The following GSE1 variants were observed in gnomAD, a reference collection of about 807,000 sequenced individuals.
GSE1 encodes the protein Gse1 coiled-coil protein.
GSE1 carries 32 observed loss-of-function variants against 112.6 expected under a neutral mutation model. That is an observed-to-expected ratio of 0.28 (90% CI 0.21 to 0.38). The LOEUF is 0.38. GSE1 is among the 10% of genes least tolerant of loss of function. The pLI, the probability that GSE1 is intolerant of heterozygous loss-of-function variation, is 1.00. For synonymous variants in GSE1, 1,115 were observed against 735.6 expected (o/e 1.52, Z -8.35); for missense variants, 2,348 against 1,699.2 (o/e 1.38, Z -6.71).
intron 2 of GSE1, among the ~76,000 whole-genome samples, chr16:85,371,051 C>G (rs562422462): frequency 1.4e-4 from 21 of 152,310 alleles, no homozygotes; most frequent in Admixed American, 3.9e-4. Flanking sequence ...GAGTTTGCGC[C>G]CCACACTGAG....
intron 2 of GSE1, among the ~76,000 whole-genome samples, chr16:85,514,731 G>T (rs973509935): frequency 1.3e-5 from 2 of 152,126 alleles, no homozygotes; most frequent in Non-Finnish European, 2.9e-5. Flanking sequence ...TCCAGGCCCC[G>T]AGTGCCTGCT....
intron 2 of GSE1, among the ~76,000 whole-genome samples, chr16:85,368,134 G>A (rs910898373): frequency 9.9e-5 from 15 of 152,282 alleles, no homozygotes; most frequent in Admixed American, 2.6e-4. Flanking sequence ...GATTACAGGC[G>A]TGAGCCACCG....
upstream of GSE1, chr16:85,555,897 C>T (rs1208421296): frequency 2.3e-6 from 2 of 863,460 alleles, no homozygotes; most frequent in Non-Finnish European, 2.8e-6. Flanking sequence ...CACCTCCCCC[C>T]TTTATTTTTC....
chr16:85,297,595 G>T (rs1183227377), intron 1 of GSE1, among the ~76,000 whole-genome samples: 1 of 152,146 alleles, frequency 6.6e-6, no homozygotes, highest in East Asian at 1.9e-4. Context: ...CACCTCTCAG[G>T]CTCATGTGAT....
intron 2 of GSE1, among the ~76,000 whole-genome samples, chr16:85,479,050 C>T (rs1376499635): frequency 7.1e-6 from 1 of 141,572 alleles, no homozygotes; most frequent in Non-Finnish European, 1.5e-5. Context: ...CAGATGGAGT[C>T]TCGCTCTGTC....
chr16:85,170,809 C>T, exon 1 of GSE1: 3 of 985,572 alleles, frequency 3.0e-6, no homozygotes, highest in Non-Finnish European at 3.6e-6. Context: ...CTTCTCCTCC[C>T]TCACGCAGCA....
chr16:85,587,729 G>C (rs2046774519), intron 1 of GSE1, among the ~76,000 whole-genome samples: 1 of 151,840 alleles, frequency 6.6e-6, no homozygotes, highest in Admixed American at 6.6e-5. Flanking sequence ...GCCAGTGCTA[G>C]AGGGCTGGGA....
intron 2 of GSE1, among the ~76,000 whole-genome samples, chr16:85,480,755 G>A (rs764930088): frequency 1.3e-5 from 2 of 152,108 alleles, no homozygotes; most frequent in Non-Finnish European, 2.9e-5. Context: ...CAGCACTGTC[G>A]GTCAGGTCCA....
rs1040027424 is a variant in GSE1 at position 85,654,885 on chromosome 16, C to T, written c.691C>T (p.Leu231Phe). The T allele has an allele frequency of 3.1e-6, 5 of 1,611,390 alleles. No individual in the cohort carries two copies. The African/African-American group carries it at 4.0e-5, about 13-fold the overall frequency. Residue 231 changes from leucine (L) to phenylalanine (F), a missense_variant, in exon 5 of 16, where the codon CTC (leucine) becomes TTC (phenylalanine). By Grantham distance (22) the Leu-to-Phe change is conservative (BLOSUM62 0). Coordinates refer to ENST00000253458, the MANE Select transcript of GSE1 (RefSeq NM_014615.5). ...CCGGCCCTACCACACCACCGACGAC[C>T]TCCGCATGTCCTCACTGCCTCCCCT... The part of the protein sequence containing the change: ...SFRPYHTTDD[L>F]RMSSLPPLGL...
At chr16:85,630,558 C>T (rs992645337) in intron 1 of GSE1, among the ~76,000 whole-genome samples, 2 of 152,208 alleles carry the variant, frequency 1.3e-5, no homozygotes, top group Admixed American at 6.5e-5. Context: ...CTCACGCAGT[C>T]CTCCCACCTC....
chr16:85,434,920 C>T lies in GSE1; in HGVS notation c.2464+77277C>T, dbSNP rs1012003239. Among the ~76,000 whole-genome samples, 65 of 152,354 alleles carry T rather than the reference C, an allele frequency of 4.3e-4. 1 individual carries two copies. The highest frequency in any genetic ancestry group is 3.4e-3 in the Middle Eastern group (1 of 294). On this transcript the variant is annotated intron_variant, in intron 2 of 2. Coordinates refer to the GSE1 transcript ENST00000637419. ...TCCTACTGGGGTGGGCCCCTGTGGT[C>T]GCAGCCTTTCCCTGTCCCCTCCCCA...
At chr16:85,297,933 T>C (rs983482816) in intron 1 of GSE1, among the ~76,000 whole-genome samples, 2 of 152,210 alleles carry the variant, frequency 1.3e-5, no homozygotes, top group Admixed American at 6.5e-5. Flanking sequence ...CTGCGTTCCA[T>C]ATGCAGAAAT....
intron 3 of GSE1, among the ~76,000 whole-genome samples, chr16:85,652,632 T>A (rs892921364): frequency 1.3e-5 from 2 of 152,176 alleles, no homozygotes; most frequent in Admixed American, 1.3e-4. Flanking sequence ...CGGCCCGGGC[T>A]GCCTGCACTG....
chr16:85,640,202 G>A (rs2050328160), intron 2 of GSE1, among the ~76,000 whole-genome samples: 1 of 151,978 alleles, frequency 6.6e-6, no homozygotes, highest in Non-Finnish European at 1.5e-5. Context: ...CCGCCTCCTT[G>A]TCACCAGCCC....
chr16:85,486,412 G>A (rs2050841434), intron 2 of GSE1, among the ~76,000 whole-genome samples: 1 of 152,198 alleles, frequency 6.6e-6, no homozygotes, highest in African/African-American at 2.4e-5. Flanking sequence ...GTTGCCCAGG[G>A]CCGCCGTTAC....
intron 2 of GSE1, among the ~76,000 whole-genome samples, chr16:85,409,866 T>A (rs74205147): frequency 2.9e-3 from 17 of 5,772 alleles, no homozygotes; most frequent in Non-Finnish European, 4.3e-3. Flanking sequence ...ACTGTTACAC[T>A]CAGGGCCCCC....
chr16:85,656,395 G>A lies in GSE1; in HGVS notation c.1042G>A (p.Glu348Lys), dbSNP rs1430576676. Residue 348 changes from glutamate (E) to lysine (K), a missense_variant, in exon 7 of 16, where the codon GAG (glutamate) becomes AAG (lysine). By Grantham distance (56) the Glu-to-Lys change is moderately conservative (BLOSUM62 1). Coordinates refer to ENST00000253458, the MANE Select transcript of GSE1 (RefSeq NM_014615.5). ...RREREREREREREREADRERE... is the reference protein window; with the variant it reads ...RRERERERERKREREADRERE... ...GGAGAGGGAGCGCGAGCGCGAGCGCGAGCGTGAGCGTGAGGCTGACCGCGA... is the reference window on the plus strand; with the variant it reads ...GGAGAGGGAGCGCGAGCGCGAGCGCAAGCGTGAGCGTGAGGCTGACCGCGA... 77 of 1,463,326 alleles carry A rather than the reference G, an allele frequency of 5.3e-5. No homozygotes were observed. Among genetic ancestry groups the A allele is most frequent in the Non-Finnish European group, 6.8e-5 (74 of 1,085,508 alleles). 90.6% of individuals were successfully genotyped at this position (1,463,326 alleles called of 1,614,324 possible).
chr16:85,431,161 A>T (rs557542150), intron 2 of GSE1, among the ~76,000 whole-genome samples: 213 of 152,236 alleles, frequency 1.4e-3, no homozygotes, highest in Non-Finnish European at 2.4e-3. Context: ...TAATCTGCAA[A>T]ACCTCTCAGT....
chr16:85,591,489 A>G (rs2047000515), intron 1 of GSE1, among the ~76,000 whole-genome samples: 1 of 152,190 alleles, frequency 6.6e-6, no homozygotes, highest in African/African-American at 2.4e-5. Flanking sequence ...GTTCTTTGCA[A>G]ACAGCCAACC....
Sources: gnomAD v4.1 joint callset for allele counts (sites outside exome capture counted in the v4.1 genomes callset) on GRCh38, gnomAD v4.1.1 for gene constraint, MANE v1.5 for transcripts, NCBI Gene and HGNC (gene_info 2026-07-23, HGNC 2026-07-21) for gene names.